RIGI: variants seen among roughly 807,000 people sequenced by gnomAD.
The protein encoded by RIGI is RNA sensor RIG-I.
At chr9:32,487,372 A>T in the RIGI span, 1 of 1,175,452 alleles carries the variant, frequency 8.5e-7, no homozygotes, top group Non-Finnish European at 1.2e-6. Flanking sequence ...TCTACTAAAC[A>T]GAGAGAGGGT....
the RIGI span, among the ~76,000 whole-genome samples, chr9:32,465,829 T>A: frequency 6.6e-6 from 1 of 152,202 alleles, no homozygotes; most frequent in Non-Finnish European, 1.5e-5. Flanking sequence ...TTACGGAAAT[T>A]ACAATGAAAT....
At chr9:32,469,701 G>A in the RIGI span, among the ~76,000 whole-genome samples, 2 of 152,184 alleles carry the variant, frequency 1.3e-5, no homozygotes, top group Non-Finnish European at 2.9e-5. Context: ...CGATAGTGGA[G>A]GCTAAATTTA....
chr9:32,485,078 G>C, the RIGI span: 12 of 848,552 alleles, frequency 1.4e-5, no homozygotes, highest in Non-Finnish European at 1.8e-5. Context: ...ATATGGTCTT[G>C]ACATTGTCTG....
chr9:32,520,370 G>A, the RIGI span, among the ~76,000 whole-genome samples: 38 of 152,120 alleles, frequency 2.5e-4, no homozygotes, highest in African/African-American at 8.7e-4. Context: ...GAATGATGAG[G>A]TTTCCTGCAG....
the RIGI span, chr9:32,472,891 A>T: frequency 3.0e-6 from 2 of 663,956 alleles, no homozygotes; most frequent in Non-Finnish European, 4.5e-6. Flanking sequence ...TATATTATAT[A>T]TATACACACA....
chr9:32,456,825 C>A, the RIGI span: 1 of 259,716 alleles, frequency 3.9e-6, no homozygotes, highest in African/African-American at 2.2e-5. Flanking sequence ...TCATCTATCC[C>A]AGTGTGTACA....
chr9:32,489,478 CA>C, the RIGI span: 1 of 1,452,568 alleles, frequency 6.9e-7, no homozygotes, highest in South Asian at 1.1e-5. Flanking sequence ...GCAAAATTAC[CA>C]AACAGTTCCT....
At chr9:32,459,605 C>A in the RIGI span, 5 of 1,219,374 alleles carry the variant, frequency 4.1e-6, no homozygotes, top group Non-Finnish European at 5.6e-6. Flanking sequence ...TATACATGCA[C>A]GCACATGTAT....
the RIGI span, among the ~76,000 whole-genome samples, chr9:32,524,662 C>T: frequency 8.0e-6 from 1 of 125,088 alleles, no homozygotes; most frequent in African/African-American, 3.1e-5. Flanking sequence ...AGGCTGAGTG[C>T]AGTGGTGCGA....
the RIGI span, among the ~76,000 whole-genome samples, chr9:32,475,837 A>C: frequency 6.6e-6 from 1 of 152,166 alleles, no homozygotes; most frequent in African/African-American, 2.4e-5. Context: ...GTCAAAACTT[A>C]AAACTTTCCA....
At chr9:32,466,370 T>C in the RIGI span, 1 of 1,613,950 alleles carries the variant, frequency 6.2e-7, no homozygotes, top group Non-Finnish European at 8.5e-7. Context: ...TACATGTTTA[T>C]TTGTTCTTTT....
the RIGI span, chr9:32,457,035 A>C: frequency 9.8e-7 from 1 of 1,018,146 alleles, no homozygotes; most frequent in South Asian, 1.5e-5. Flanking sequence ...ACAGGGGTAC[A>C]AGCGATCCAT....
At chr9:32,504,912 ATATC>A in the RIGI span, among the ~76,000 whole-genome samples, 4 of 139,702 alleles carry the variant, frequency 2.9e-5, no homozygotes, top group African/African-American at 5.2e-5. Flanking sequence ...AGTATATATT[ATATC>A]TATTATATAT....
chr9:32,477,109 A>G, the RIGI span: 1 of 1,613,958 alleles, frequency 6.2e-7, no homozygotes, highest in Non-Finnish European at 8.5e-7. Context: ...CCCTGGAAAC[A>G]CTTTCTAGTT....
At chr9:32,514,126 G>T in the RIGI span, among the ~76,000 whole-genome samples, 55 of 152,202 alleles carry the variant, frequency 3.6e-4, no homozygotes, top group Non-Finnish European at 7.2e-4. Flanking sequence ...CACTTTTGGT[G>T]GGAGTGTAAA....
chr9:32,490,781 G>A, the RIGI span, among the ~76,000 whole-genome samples: 1 of 152,182 alleles, frequency 6.6e-6, no homozygotes, highest in Non-Finnish European at 1.5e-5. Flanking sequence ...TGACAAAAGG[G>A]AGCTCCTCTT....
chr9:32,511,766 C>A, the RIGI span, among the ~76,000 whole-genome samples: 1 of 151,866 alleles, frequency 6.6e-6, no homozygotes, highest in Non-Finnish European at 1.5e-5. Context: ...ACACAGAAAA[C>A]CCTTCAAAAA....
chr9:32,518,100 T>C, the RIGI span, among the ~76,000 whole-genome samples: 1 of 152,158 alleles, frequency 6.6e-6, no homozygotes, highest in African/African-American at 2.4e-5. Flanking sequence ...ATAAGAATTC[T>C]AGTTCATATG....
the RIGI span, among the ~76,000 whole-genome samples, chr9:32,525,209 C>A: frequency 6.6e-6 from 1 of 152,140 alleles, no homozygotes; most frequent in African/African-American, 2.4e-5. Context: ...GCAAGGTGCC[C>A]CCTGACCCCT....
Sources: allele counts gnomAD v4.1 joint callset (sites outside exome capture counted in the v4.1 genomes callset), GRCh38; gene constraint gnomAD v4.1.1; transcripts MANE v1.5; gene names NCBI Gene and HGNC (gene_info 2026-07-23, HGNC 2026-07-21).